Variants in BLNK observed in about 807,000 individuals in gnomAD.
BLNK encodes B-cell linker protein.
BLNK carries 29 observed loss-of-function variants against 73.5 expected under a neutral mutation model. That is an observed-to-expected ratio of 0.39 (90% confidence interval 0.29 to 0.54). BLNK has a LOEUF of 0.54. Among genes scored for constraint, BLNK ranks in the 20% least tolerant of loss-of-function variants. The pLI is 0.61. For synonymous variants in BLNK, 176 were observed against 200.8 expected (o/e 0.88, Z 1.04); for missense variants, 460 against 562.8 (o/e 0.82, Z 1.85).
chr10:96,204,361 A>G, intron 12 of BLNK, 171 bp downstream of exon 12: 1 of 807,370 alleles, frequency 1.2e-6, no homozygotes. Context: ...CTGCAACTCT[A>G]CACAGTTATT....
At chr10:96,238,637 C>A (rs587649050) in intron 3 of BLNK, among the ~76,000 whole-genome samples, 21 of 152,132 alleles carry the variant, frequency 1.4e-4, no homozygotes, top group African/African-American at 5.1e-4. Context: ...GGAAATGCTC[C>A]TGGGATGTGA....
chr10:96,217,298 T>C (rs1450343319), intron 6 of BLNK, among the ~76,000 whole-genome samples: 10 of 152,228 alleles, frequency 6.6e-5, no homozygotes, highest in African/African-American at 2.4e-5. Flanking sequence ...AGTTTTTGTG[T>C]AGACATGCAT....
chr10:96,224,622 C>T (rs1010339515), intron 5 of BLNK, among the ~76,000 whole-genome samples: 2 of 152,242 alleles, frequency 1.3e-5, no homozygotes, highest in African/African-American at 2.4e-5. Flanking sequence ...TGCTCTGCCA[C>T]TCACTAGCTG....
In BLNK at chr10:96,197,155, T is replaced by C. The variant is rs113051625; in HGVS notation, c.1096-92A>G. On this transcript the variant is annotated intron_variant, in intron 15 of 16. Coordinates refer to ENST00000224337, the MANE Select transcript of BLNK (RefSeq NM_013314.4). The stretch of plus-strand genomic sequence containing the variant: ...ATCATTTTGTGAAGAACACCTATAT[T>C]ACATTCCAAAGGTAAATTATTTAGC... 40 of 932,906 alleles carry C rather than the reference T, an allele frequency of 4.3e-5. No individual in the cohort carries two copies. In the African/African-American group the frequency reaches 6.4e-4, roughly 15 times the overall value. The allele number at this position is 932,906 out of a possible 1,614,324, so 57.8% of individuals were successfully genotyped here.
chr10:96,251,284 C>CT (rs1383696996), intron 1 of BLNK, among the ~76,000 whole-genome samples: 3 of 152,198 alleles, frequency 2.0e-5, no homozygotes, highest in African/African-American at 7.2e-5. Flanking sequence ...GTCCACGCAT[C>CT]TGGTGATGCA....
At chr10:96,267,674 A>G (rs1249885044) in intron 1 of BLNK, among the ~76,000 whole-genome samples, 2 of 152,222 alleles carry the variant, frequency 1.3e-5, no homozygotes, top group African/African-American at 4.8e-5. Context: ...GAACGCAGAG[A>G]AGGAATGTTT....
intron 12 of BLNK, 146 bp downstream of exon 12, chr10:96,204,386 C>T: frequency 1.0e-6 from 1 of 971,938 alleles, no homozygotes. Flanking sequence ...AGTTGCTCAA[C>T]ACCTTTTAAC....
At position 96,189,866 on chromosome 10, in the gene BLNK, A is replaced by G; in HGVS notation, c.*2107T>C. 8.3e-7 allele frequency: 1 copy of G among 1,203,552 alleles called. No individual in the cohort carries two copies. Among genetic ancestry groups the G allele is most frequent in the East Asian group, 2.3e-5 (1 of 43,206 alleles). The allele number at this position is 1,203,552 out of a possible 1,614,324, so 74.6% of individuals were successfully genotyped here. On this transcript the variant is annotated 3_prime_UTR_variant, in exon 17 of 17. Transcript: ENST00000224337. Reference sequence around the variant, plus strand: ...ATCTTCTGACTCTGCATCTTCCTCCACAGCTACTAAATGCTGTCCACTAAT... The same window carrying G: ...ATCTTCTGACTCTGCATCTTCCTCCGCAGCTACTAAATGCTGTCCACTAAT...
chr10:96,257,513 T>C (rs1385127931), intron 1 of BLNK, among the ~76,000 whole-genome samples: 1 of 152,226 alleles, frequency 6.6e-6, no homozygotes, highest in African/African-American at 2.4e-5. Flanking sequence ...CAAAGTGCCA[T>C]GTTGGCCATA....
Position 96,198,046 on chromosome 10 carries a change from A to G in BLNK, c.1096-983T>C, listed in dbSNP as rs185686104. Among the ~76,000 whole-genome samples, 303 of 152,114 alleles carry G rather than the reference A, an allele frequency of 2.0e-3. 1 individual carries two copies. Among genetic ancestry groups the G allele is most frequent in the Middle Eastern group, 3.4e-3 (1 of 294 alleles). On this transcript the variant is annotated intron_variant, in intron 15 of 16. Transcript: ENST00000224337. ...AAAAAATTACGAACAAAAGATGGAC[A>G]AAAAGCAGAATGAAATGCAACAAGA...
intron 13 of BLNK, chr10:96,203,665 A>G (rs1870173): frequency 0.87 from 136,463 of 156,286 alleles, 60,028 homozygotes; most frequent in South Asian, 0.94. Flanking sequence ...TCTTTAAAAT[A>G]TATTTTGACT....
At chr10:96,202,278 A>G (rs1308063342) in intron 13 of BLNK, among the ~76,000 whole-genome samples, 1 of 152,186 alleles carries the variant, frequency 6.6e-6, no homozygotes, top group Non-Finnish European at 1.5e-5. Flanking sequence ...TAACAGGGTC[A>G]TTCCAGCTGC....
In BLNK at chr10:96,223,983, C is replaced by T. The variant is rs781854815; in HGVS notation, c.368G>A (p.Arg123Gln). The change falls in exon 6 of 17, where the codon CGA becomes CAA. Residue 123 changes from arginine to glutamine, a missense_variant. Coordinates refer to ENST00000224337, the MANE Select transcript of BLNK (RefSeq NM_013314.4). ...GGGTGGGGAATGCCTCTGGCTTGAT[C>T]GATTGTCTTGAAAGGAACAAACAAA... The part of the protein sequence containing the change: ...PFARGEYIDN[R>Q]SSQRHSPPFS... The T allele has an allele frequency of 4.3e-6, 7 of 1,612,594 alleles. No individual in the cohort carries two copies. Among genetic ancestry groups the T allele is most frequent in the Admixed American group, 1.7e-5 (1 of 59,974 alleles).
intron 1 of BLNK, among the ~76,000 whole-genome samples, chr10:96,256,260 A>G (rs1219610434): frequency 1.3e-5 from 2 of 152,212 alleles, no homozygotes; most frequent in African/African-American, 2.4e-5. Flanking sequence ...TCTAAAATCA[A>G]TTTGGAGTAG....
At chr10:96,245,954 CTT>C (rs1843028943) in intron 2 of BLNK, among the ~76,000 whole-genome samples, 2 of 152,032 alleles carry the variant, frequency 1.3e-5, no homozygotes, top group Middle Eastern at 3.2e-3. Context: ...ATTCTGGCCT[CTT>C]TGATTTTTTT....
chr10:96,207,827 C>T (rs1220772499), intron 10 of BLNK, 45 bp downstream of exon 10: 1 of 1,605,716 alleles, frequency 6.2e-7, no homozygotes, highest in Middle Eastern at 1.7e-4. Context: ...TAAGAATAAA[C>T]ACTGCAGGAA....
intron 8 of BLNK, among the ~76,000 whole-genome samples, chr10:96,211,026 C>T (rs1363025264): frequency 2.0e-5 from 3 of 151,908 alleles, no homozygotes; most frequent in African/African-American, 7.3e-5. Context: ...CATGCACCAC[C>T]ACACCTGGCT....
intron 11 of BLNK, chr10:96,205,321 G>C (rs1419155874): frequency 1.3e-5 from 2 of 152,660 alleles, no homozygotes; most frequent in South Asian, 2.1e-4. Flanking sequence ...TTTGTCGTTG[G>C]GGGGTGGGGT....
chr10:96,263,023 G>A (rs1353357401), intron 1 of BLNK, among the ~76,000 whole-genome samples: 6 of 152,138 alleles, frequency 3.9e-5, no homozygotes, highest in African/African-American at 1.2e-4. Flanking sequence ...TTCAGTCCTC[G>A]CAAGGCGAAT....
Sources: gnomAD v4.1 joint callset for allele counts (sites outside exome capture counted in the v4.1 genomes callset) on GRCh38, gnomAD v4.1.1 for gene constraint, MANE v1.5 for transcripts, NCBI Gene and HGNC (gene_info 2026-07-23, HGNC 2026-07-21) for gene names.